EBF1: variants seen among roughly 807,000 people sequenced by gnomAD.
EBF1 encodes the protein EBF transcription factor 1.
EBF1 carries 10 observed loss-of-function variants against 68.4 expected under a neutral mutation model. That is an observed-to-expected ratio of 0.15 (90% CI 0.09 to 0.25). The LOEUF (loss-of-function observed/expected upper bound fraction) is 0.25. Among genes scored for constraint, EBF1 ranks in the 10% least tolerant of loss-of-function variants. EBF1 has a pLI of 1.00. For missense variants in EBF1, 509 were observed against 794.4 expected (o/e 0.64, Z 4.32); for synonymous variants, 298 against 299.8 (o/e 0.99, Z 0.06).
intron 8 of EBF1, among the ~76,000 whole-genome samples, chr5:158,818,313 G>T (rs1457846315): frequency 6.6e-6 from 1 of 152,174 alleles, no homozygotes; most frequent in African/African-American, 2.4e-5. Context: ...CCAAACAAAT[G>T]AAAAACACAT....
chr5:158,967,071 C>A (rs1428325819), intron 6 of EBF1, among the ~76,000 whole-genome samples: 2 of 150,550 alleles, frequency 1.3e-5, no homozygotes, highest in Non-Finnish European at 2.9e-5. Context: ...ATAAAAAAAC[C>A]TTTTCAGGAA....
At chr5:158,794,261 G>A (rs780699318) in intron 9 of EBF1, among the ~76,000 whole-genome samples, 5 of 152,184 alleles carry the variant, frequency 3.3e-5, no homozygotes, top group Non-Finnish European at 5.9e-5. Context: ...AGTGGCACTG[G>A]AGGGACAGAG....
intron 6 of EBF1, among the ~76,000 whole-genome samples, chr5:158,846,770 G>C (rs890729376): frequency 6.6e-6 from 1 of 152,228 alleles, no homozygotes; most frequent in African/African-American, 2.4e-5. Flanking sequence ...GGCTGAGGAG[G>C]CTGAACCCAT....
At position 158,823,208 on chromosome 5, in the gene EBF1, G is replaced by C; in HGVS notation, c.746C>G (p.Pro249Arg). Residue 249 changes from proline to arginine, a missense_variant, in exon 8 of 16, where the codon CCC becomes CGC. Coordinates refer to ENST00000313708, the MANE Select transcript of EBF1 (RefSeq NM_024007.5). Reference sequence around the variant, plus strand: ...CAGATAAGAGGGCGTACCTTCCGAGGGGTCAAGCCTCCGAGCCCTCCGCCC... The same window carrying C: ...CAGATAAGAGGGCGTACCTTCCGAGCGGTCAAGCCTCCGAGCCCTCCGCCC... The part of the protein sequence containing the change: ...KHGRRARRLD[P>R]SEGTPSYLEH... 8 of 1,613,974 alleles carry C rather than the reference G, an allele frequency of 5.0e-6. No individual in the cohort carries two copies. The highest frequency in any genetic ancestry group is 6.8e-6 in the Non-Finnish European group (8 of 1,179,928).
chr5:158,987,659 C>G (rs1417391366), intron 6 of EBF1, among the ~76,000 whole-genome samples: 1 of 152,114 alleles, frequency 6.6e-6, no homozygotes, highest in African/African-American at 2.4e-5. Flanking sequence ...GGGAAGACCA[C>G]TAAAAGTAGA....
intron 7 of EBF1, among the ~76,000 whole-genome samples, chr5:158,839,401 G>T (rs958238553): frequency 3.3e-5 from 5 of 152,016 alleles, no homozygotes; most frequent in Admixed American, 6.6e-5. Context: ...TTGTTTTGGT[G>T]GGGGGTATAG....
chr5:158,759,459 C>T (rs929395620), intron 10 of EBF1, among the ~76,000 whole-genome samples: 14 of 152,128 alleles, frequency 9.2e-5, no homozygotes, highest in African/African-American at 2.9e-4. Flanking sequence ...TCAGCTGGTA[C>T]GGCTCATATT....
intron 10 of EBF1, among the ~76,000 whole-genome samples, chr5:158,735,285 C>CAA (rs932217125): frequency 1.7e-4 from 26 of 152,142 alleles, no homozygotes; most frequent in African/African-American, 5.3e-4. Flanking sequence ...CTCTTTCTGA[C>CAA]AAAGTCTAGG....
chr5:158,761,691 T>G (rs1415592702), intron 10 of EBF1, among the ~76,000 whole-genome samples: 1 of 152,198 alleles, frequency 6.6e-6, no homozygotes, highest in Non-Finnish European at 1.5e-5. Context: ...TGAGTTAAGC[T>G]AGAGATTTCA....
At chr5:159,058,911 G>C (rs1242091327) in intron 6 of EBF1, among the ~76,000 whole-genome samples, 3 of 152,152 alleles carry the variant, frequency 2.0e-5, no homozygotes, top group South Asian at 2.1e-4. Context: ...ATTCTTTTCT[G>C]AACAGTCAGA....
chr5:158,817,870 T>C (rs1328797892), intron 8 of EBF1, among the ~76,000 whole-genome samples: 1 of 152,202 alleles, frequency 6.6e-6, no homozygotes, highest in Non-Finnish European at 1.5e-5. Context: ...CTGCTTAGTA[T>C]GAATGAGCGA....
At chr5:159,040,953 T>C (rs532974895) in intron 6 of EBF1, among the ~76,000 whole-genome samples, 6 of 152,152 alleles carry the variant, frequency 3.9e-5, no homozygotes, top group African/African-American at 1.2e-4. Context: ...TGGCTGTATG[T>C]AGACAAGAGA....
rs1022658984 is a variant in EBF1, at chr5:159,099,819, C to CTTTTT, written c.-346_-342dup. ...TTTGGGTGCTTTTTTTTTTTTTTTG[C>CTTTTT]TTTTTTTTTTTTTTTTTTGTAATGA... On this transcript the variant is annotated 5_prime_UTR_variant, in exon 1 of 16. Coordinates refer to ENST00000313708, the MANE Select transcript of EBF1 (RefSeq NM_024007.5). 6 of 40,806 alleles carry CTTTTT rather than the reference C, an allele frequency of 1.5e-4. No individual in the cohort carries two copies. Among genetic ancestry groups the CTTTTT allele is most frequent in the East Asian group, 8.1e-4 (1 of 1,234 alleles). 2.5% of individuals were successfully genotyped at this position (40,806 alleles called of 1,614,324 possible). A position where few individuals can be genotyped will look rare whatever the true frequency, so the allele number is the denominator to read the frequency against.
chr5:158,867,606 T>C (rs1304699850), intron 6 of EBF1, among the ~76,000 whole-genome samples: 1 of 151,938 alleles, frequency 6.6e-6, no homozygotes, highest in Non-Finnish European at 1.5e-5. Flanking sequence ...TCAATCTGCA[T>C]ACAAGGTCAC....
At chr5:159,062,153 A>G (rs1190886367) in intron 6 of EBF1, among the ~76,000 whole-genome samples, 10 of 152,176 alleles carry the variant, frequency 6.6e-5, no homozygotes, top group Non-Finnish European at 1.5e-4. Flanking sequence ...AGTTCAGCAC[A>G]TTGCTCTCAT....
chr5:158,903,417 C>A (rs981455583), intron 6 of EBF1, among the ~76,000 whole-genome samples: 1 of 152,128 alleles, frequency 6.6e-6, no homozygotes, highest in African/African-American at 2.4e-5. Flanking sequence ...TCAGCAATGG[C>A]CCCTCTCTTC....
intron 11 of EBF1, among the ~76,000 whole-genome samples, chr5:158,730,062 C>T (rs149657583): frequency 1.5e-3 from 233 of 152,322 alleles, no homozygotes; most frequent in African/African-American, 5.1e-3. Flanking sequence ...GTGTTTTACA[C>T]GGATACATAA....
chr5:158,730,980 C>T, intron 11 of EBF1, 89 bp downstream of exon 11: 1 of 1,208,152 alleles, frequency 8.3e-7, no homozygotes, highest in Non-Finnish European at 1.2e-6. Context: ...GAGTTGTTTA[C>T]CTGTGAACTA....
intron 6 of EBF1, among the ~76,000 whole-genome samples, chr5:158,933,897 T>A (rs1179848363): frequency 6.6e-6 from 1 of 152,216 alleles, no homozygotes; most frequent in African/African-American, 2.4e-5. Context: ...ACACAGCACC[T>A]CCTCTGCTTT....
Sources: allele counts gnomAD v4.1 joint callset (sites outside exome capture counted in the v4.1 genomes callset), GRCh38; gene constraint gnomAD v4.1.1; transcripts MANE v1.5; gene names NCBI Gene and HGNC (gene_info 2026-07-23, HGNC 2026-07-21).